PDE10A: variants seen among roughly 807,000 people sequenced by gnomAD.
PDE10A encodes phosphodiesterase 10A.
PDE10A carries 39 observed loss-of-function variants against 97.7 expected under a neutral mutation model. The observed-to-expected ratio is 0.40, with a 90% CI of 0.31 to 0.52. PDE10A has a LOEUF of 0.52. Ranked by LOEUF, PDE10A falls within the 20% of genes least tolerant of loss-of-function variation. The pLI is 0.56. For missense variants in PDE10A, 731 were observed against 1,047.8 expected, an observed-to-expected ratio of 0.70 and a Z score of 4.17; for synonymous variants, 371 against 376.8, an observed-to-expected ratio of 0.98 and a Z score of 0.18.
intron 5 of PDE10A, among the ~76,000 whole-genome samples, chr6:165,438,189 A>T (rs946652239): frequency 4.0e-5 from 6 of 151,762 alleles, no homozygotes; most frequent in African/African-American, 1.2e-4. Context: ...TTAATTTTTA[A>T]TTTTTAATTT....
intron 1 of PDE10A, among the ~76,000 whole-genome samples, chr6:165,881,148 C>G (rs1781460742): frequency 6.6e-6 from 1 of 152,186 alleles, no homozygotes; most frequent in South Asian, 2.1e-4. Flanking sequence ...CTAGGCTTCT[C>G]TGATGTGTTT....
chr6:165,621,850 A>ACAG (rs1450109643), intron 1 of PDE10A, among the ~76,000 whole-genome samples: 2 of 152,206 alleles, frequency 1.3e-5, no homozygotes, highest in African/African-American at 4.8e-5. Flanking sequence ...ACATGGTATC[A>ACAG]CAGCCACTGC....
At chr6:165,592,057 A>G (rs905031992) in intron 1 of PDE10A, among the ~76,000 whole-genome samples, 1 of 152,202 alleles carries the variant, frequency 6.6e-6, no homozygotes, top group African/African-American at 2.4e-5. Context: ...TTCAAACTAT[A>G]CTACAACGCT....
chr6:165,743,519 T>C (rs1792777005), intron 1 of PDE10A, among the ~76,000 whole-genome samples: 1 of 152,222 alleles, frequency 6.6e-6, no homozygotes, highest in Non-Finnish European at 1.5e-5. Flanking sequence ...CACTGAATGA[T>C]AGCACTTAGA....
At position 165,690,046 on chromosome 6, in the gene PDE10A, A is replaced by G. The variant is rs1206622830; in HGVS notation, c.-614-146478T>C. Among the ~76,000 whole-genome samples the G allele has an allele frequency of 4.6e-5, 7 of 152,276 alleles. No individual in the cohort carries two copies. The South Asian group carries it at 8.3e-4, about 18-fold the overall frequency. On this transcript the variant is annotated intron_variant, in intron 1 of 19. Coordinates refer to the PDE10A transcript ENST00000366882. ...GATTTACTTGCTGGGCTAGTTAACT[A>G]TAGAATATCGAGTGTCTTATTAGGT... is the stretch of plus-strand genomic sequence containing the variant.
intron 21 of PDE10A, among the ~76,000 whole-genome samples, chr6:165,334,279 C>A: frequency 6.6e-6 from 1 of 152,060 alleles, no homozygotes; most frequent in Non-Finnish European, 1.5e-5. Flanking sequence ...CCATAGCGCC[C>A]TACAGCGCCG....
chr6:165,815,262 C>T (rs1779379376), intron 1 of PDE10A, among the ~76,000 whole-genome samples: 1 of 152,194 alleles, frequency 6.6e-6, no homozygotes, highest in African/African-American at 2.4e-5. Context: ...CCTACTGTCC[C>T]ACTACAATGT....
chr6:165,529,377 A>G (rs1265069297), intron 2 of PDE10A, among the ~76,000 whole-genome samples: 1 of 152,208 alleles, frequency 6.6e-6, no homozygotes. Flanking sequence ...TCAATGAGAA[A>G]CTACAATAGC....
chr6:165,754,176 A>T (rs1494767), intron 1 of PDE10A: 2 of 152,234 alleles, frequency 1.3e-5, no homozygotes, highest in African/African-American at 4.8e-5. Flanking sequence ...CCTTTTTTGA[A>T]TATTTACTAA....
intron 1 of PDE10A, among the ~76,000 whole-genome samples, chr6:165,814,843 C>G (rs139168546): frequency 1.3e-5 from 2 of 151,978 alleles, no homozygotes; most frequent in Non-Finnish European, 2.9e-5. Flanking sequence ...TATGTCCAGG[C>G]GAGCTGTGCG....
intron 1 of PDE10A, among the ~76,000 whole-genome samples, chr6:165,608,137 G>A (rs929279021): frequency 1.3e-4 from 19 of 149,170 alleles, no homozygotes; most frequent in Non-Finnish European, 2.7e-4. Flanking sequence ...TATACTTTAA[G>A]TTCTAGGGTA....
At chr6:165,853,499 G>C (rs1265830499) in intron 1 of PDE10A, among the ~76,000 whole-genome samples, 1 of 152,170 alleles carries the variant, frequency 6.6e-6, no homozygotes, top group South Asian at 2.1e-4. Context: ...TTATATCAGA[G>C]TCATTCACGA....
chr6:165,929,407 GC>G (rs1408305226), intron 1 of PDE10A, among the ~76,000 whole-genome samples: 2 of 152,160 alleles, frequency 1.3e-5, no homozygotes, highest in Non-Finnish European at 2.9e-5. Context: ...TATTTCTCTT[GC>G]CCCAGCATTC....
chr6:165,807,720 G>A lies in PDE10A; in HGVS notation c.-615+179809C>T, dbSNP rs199621867. 1.2e-4 allele frequency among the ~76,000 whole-genome samples: 19 copies of A among 152,124 alleles called. No homozygotes were observed. In the South Asian group the frequency reaches 3.1e-3, roughly 25 times the overall value. On this transcript the variant is annotated intron_variant, in intron 1 of 19. Transcript: ENST00000366882. The stretch of plus-strand genomic sequence containing the variant: ...AGAAATTCAGATTCAAGCTGAAGAC[G>A]CCAAAGAAATTGGCTTGCCGGCGGC...
intron 1 of PDE10A, among the ~76,000 whole-genome samples, chr6:165,693,528 CAAAAAAA>C (rs55830575): frequency 1.8e-5 from 1 of 56,732 alleles, no homozygotes; most frequent in Non-Finnish European, 3.3e-5. Context: ...GAGGCTCCAC[CAAAAAAA>C]AAAAAAAAAA....
chr6:165,543,692 A>G (rs1413911517), intron 1 of PDE10A, 124 bp from the exon 2 acceptor site: 1 of 689,954 alleles, frequency 1.4e-6, no homozygotes, highest in Non-Finnish European at 2.2e-6. Context: ...AGAGGGCTGG[A>G]AAGAGCGGGA....
chr6:165,815,953 T>C (rs1779397992), intron 1 of PDE10A, among the ~76,000 whole-genome samples: 2 of 148,444 alleles, frequency 1.3e-5, no homozygotes, highest in Admixed American at 1.3e-4. Flanking sequence ...TTTTCTTTTT[T>C]ATCTTTTTTT....
intron 1 of PDE10A, among the ~76,000 whole-genome samples, chr6:165,590,440 A>G (rs572645999): frequency 6.6e-6 from 1 of 152,346 alleles, no homozygotes; most frequent in East Asian, 1.9e-4. Context: ...AAGTTGAACC[A>G]TAATGCAAAT....
At chr6:165,725,785 T>C (rs1189261835) in intron 1 of PDE10A, among the ~76,000 whole-genome samples, 1 of 152,220 alleles carries the variant, frequency 6.6e-6, no homozygotes, top group Non-Finnish European at 1.5e-5. Flanking sequence ...TGTTTCTACC[T>C]GTAAAGACAC....
Sources: allele counts gnomAD v4.1 joint callset (sites outside exome capture counted in the v4.1 genomes callset), GRCh38; gene constraint gnomAD v4.1.1; transcripts MANE v1.5; gene names NCBI Gene and HGNC (gene_info 2026-07-23, HGNC 2026-07-21).